Variants in CDH13 observed in about 807,000 individuals in gnomAD.
The protein encoded by CDH13 is cadherin-13.
CDH13 carries 24 observed loss-of-function variants against 63.8 expected under a neutral mutation model. The ratio of observed to expected loss-of-function variants is 0.38; its 90% confidence interval spans 0.27 to 0.53. CDH13 has a LOEUF of 0.53. Among genes scored for constraint, CDH13 ranks in the 20% least tolerant of loss-of-function variants. The pLI is 0.85. For synonymous variants in CDH13, 503 were observed against 355.3 expected (o/e 1.42, Z -4.67); for missense variants, 1,049 against 903.1 (o/e 1.16, Z -2.07).
chr16:83,131,455 A>T (rs1391380034), intron 4 of CDH13, among the ~76,000 whole-genome samples: 1 of 152,170 alleles, frequency 6.6e-6, no homozygotes, highest in Non-Finnish European at 1.5e-5. Context: ...GCAGATCCCA[A>T]AGTGGCTTTT....
chr16:83,689,100 T>C (rs897350223), intron 10 of CDH13, among the ~76,000 whole-genome samples: 9 of 152,238 alleles, frequency 5.9e-5, no homozygotes, highest in Admixed American at 3.3e-4. Flanking sequence ...TATGTTGTTA[T>C]AAATTTGCCA....
At chr16:83,166,703 T>C (rs1321249152) in intron 4 of CDH13, among the ~76,000 whole-genome samples, 1 of 152,224 alleles carries the variant, frequency 6.6e-6, no homozygotes, top group Non-Finnish European at 1.5e-5. Context: ...ACTAACTTTG[T>C]GTCTTTTGAA....
chr16:83,120,912 T>G (rs969323531), intron 3 of CDH13, among the ~76,000 whole-genome samples: 58 of 151,992 alleles, frequency 3.8e-4, no homozygotes, highest in African/African-American at 1.4e-3. Context: ...TACAGGCAGG[T>G]GCCACCACAC....
At chr16:83,743,925 G>A (rs886168501) in intron 10 of CDH13, among the ~76,000 whole-genome samples, 42 of 151,836 alleles carry the variant, frequency 2.8e-4, no homozygotes, top group African/African-American at 1.0e-3. Flanking sequence ...GTACCGAGAA[G>A]CCCAGCCCCT....
intron 8 of CDH13, among the ~76,000 whole-genome samples, chr16:83,660,926 GAAGA>G (rs1913385116): frequency 1.7e-5 from 2 of 119,740 alleles, no homozygotes; most frequent in Non-Finnish European, 4.0e-5. Context: ...GCCTGAAATT[GAAGA>G]AAAAAAAATG....
At position 83,583,819 on chromosome 16, in the gene CDH13, A is replaced by C. The variant is rs1217088100; in HGVS notation, c.961-18635A>C. Among the ~76,000 whole-genome samples the C allele has an allele frequency of 3.3e-5, 5 of 152,206 alleles. No homozygotes were observed. The East Asian group carries it at 9.7e-4, about 29-fold the overall frequency. ...CTAGACCTAGCTACTCCAGAAGCTG[A>C]GGCAGAAGAATCACTTGAGCCCACG... is the stretch of plus-strand genomic sequence containing the variant. On this transcript the variant is annotated intron_variant, in intron 7 of 13. Coordinates refer to ENST00000567109, the MANE Select transcript of CDH13 (RefSeq NM_001257.5).
intron 1 of CDH13, among the ~76,000 whole-genome samples, chr16:82,851,447 AAAAG>A (rs1177232350): frequency 0.28 from 39,333 of 141,222 alleles, 6,039 homozygotes; most frequent in African/African-American, 0.36. Flanking sequence ...AAAAAAAATA[AAAAG>A]AAAAAGAAAA....
At chr16:83,624,392 G>A (rs1026138971) in intron 8 of CDH13, among the ~76,000 whole-genome samples, 16 of 150,070 alleles carry the variant, frequency 1.1e-4, no homozygotes, top group African/African-American at 3.4e-4. Context: ...ACCAGGGACC[G>A]GTTTCGTAGA....
At chr16:83,758,176 A>C (rs1276906677) in intron 11 of CDH13, among the ~76,000 whole-genome samples, 1 of 152,168 alleles carries the variant, frequency 6.6e-6, no homozygotes, top group Admixed American at 6.5e-5. Context: ...AAAGAAAAAC[A>C]ATTTTATACA....
At position 83,786,553 on chromosome 16, in the gene CDH13, T is replaced by C. The variant is rs993704910; in HGVS notation, c.2134+3081T>C. On this transcript the variant is annotated intron_variant, in intron 13 of 13. Coordinates refer to ENST00000567109, the MANE Select transcript of CDH13 (RefSeq NM_001257.5). ...TTTGTTCTTTTTTTCTTCTTTCCTTTGTCTTTCTTTTCTTTTTTTCCTTTA... is the reference window on the plus strand; with the variant it reads ...TTTGTTCTTTTTTTCTTCTTTCCTTCGTCTTTCTTTTCTTTTTTTCCTTTA... Among the ~76,000 whole-genome samples, 28 of 150,832 alleles carry C rather than the reference T, an allele frequency of 1.9e-4. No individual in the cohort carries two copies. In the East Asian group the frequency reaches 2.7e-3, roughly 15 times the overall value.
chr16:82,917,213 T>C (rs985276088), intron 2 of CDH13, among the ~76,000 whole-genome samples: 2 of 152,146 alleles, frequency 1.3e-5, no homozygotes. Context: ...AAGAAGGGGC[T>C]AGCAGGTCCT....
intron 5 of CDH13, among the ~76,000 whole-genome samples, chr16:83,254,918 A>C (rs1391121725): frequency 7.8e-6 from 1 of 127,616 alleles, no homozygotes; most frequent in Non-Finnish European, 1.8e-5. Context: ...TAAAAACAAG[A>C]GACAAGCTCT....
At chr16:83,057,370 C>A (rs548750896) in intron 3 of CDH13, among the ~76,000 whole-genome samples, 1 of 152,194 alleles carries the variant, frequency 6.6e-6, no homozygotes, top group South Asian at 2.1e-4. Context: ...GAGATCATGA[C>A]AGAGTTGTAT....
At chr16:82,986,205 A>ACTGT (rs1463685902) in intron 2 of CDH13, among the ~76,000 whole-genome samples, 1 of 152,212 alleles carries the variant, frequency 6.6e-6, no homozygotes, top group Non-Finnish European at 1.5e-5. Flanking sequence ...AGAGATCAAT[A>ACTGT]CTGTCCCTAG....
At chr16:82,705,056 T>C (rs2031374652) in intron 1 of CDH13, 1 of 437,398 alleles carries the variant, frequency 2.3e-6, no homozygotes, top group Non-Finnish European at 4.5e-6. Context: ...CTTTTTATTC[T>C]TGTAGACACC....
intron 10 of CDH13, among the ~76,000 whole-genome samples, chr16:83,746,385 C>G (rs564152030): frequency 1.4e-3 from 212 of 152,316 alleles, no homozygotes; most frequent in African/African-American, 4.8e-3. Context: ...CCTGAGGACA[C>G]TTCTGATTGC....
intron 2 of CDH13, among the ~76,000 whole-genome samples, chr16:82,906,775 G>A (rs1452049569): frequency 6.6e-6 from 1 of 152,116 alleles, no homozygotes; most frequent in Non-Finnish European, 1.5e-5. Context: ...CCCCTTCCTA[G>A]ATGCTGGTGG....
At chr16:83,172,882 A>G (rs552576896) in intron 4 of CDH13, among the ~76,000 whole-genome samples, 4 of 152,130 alleles carry the variant, frequency 2.6e-5, no homozygotes, top group East Asian at 1.9e-4. Context: ...TACTGCACTA[A>G]AAATTCTCAT....
At chr16:83,705,178 C>G (rs1176745501) in intron 10 of CDH13, among the ~76,000 whole-genome samples, 3 of 152,102 alleles carry the variant, frequency 2.0e-5, no homozygotes, top group Non-Finnish European at 4.4e-5. Context: ...ATAAGTGAAC[C>G]AAGACAATGC....
Sources: gnomAD v4.1 joint callset for allele counts (sites outside exome capture counted in the v4.1 genomes callset) on GRCh38, gnomAD v4.1.1 for gene constraint, MANE v1.5 for transcripts, NCBI Gene and HGNC (gene_info 2026-07-23, HGNC 2026-07-21) for gene names.